The following ECHDC1 variants were observed in gnomAD, a reference collection of about 807,000 sequenced individuals.
ECHDC1 encodes ethylmalonyl-CoA decarboxylase.
Under a neutral mutation model 29.7 loss-of-function variants are expected in ECHDC1, and 29 were observed. That is an observed-to-expected ratio of 0.98 (90% CI 0.73 to 1.33). The LOEUF is 1.33. Among genes scored for constraint, ECHDC1 ranks in the 40% most tolerant of loss-of-function variants. ECHDC1 has a pLI of 0.00. For missense variants in ECHDC1, 328 were observed against 350.0 expected (o/e 0.94, Z 0.50); for synonymous variants, 126 against 123.1 (o/e 1.02, Z -0.15).
chr6:127,308,808 T>C (rs36000432), intron 5 of ECHDC1, among the ~76,000 whole-genome samples: 45,520 of 152,130 alleles, frequency 0.3, 8,587 homozygotes, highest in Non-Finnish European at 0.44. Flanking sequence ...CTTTTCTATA[T>C]GTAAACAGTG....
At chr6:127,304,106 A>T (rs1781265320) in intron 5 of ECHDC1, among the ~76,000 whole-genome samples, 1 of 152,214 alleles carries the variant, frequency 6.6e-6, no homozygotes. Context: ...GTGCTGTGTT[A>T]GCTTCAGATG....
intron 5 of ECHDC1, chr6:127,313,701 G>C: frequency 2.6e-6 from 1 of 381,492 alleles, no homozygotes; most frequent in Non-Finnish European, 5.3e-6. Context: ...GCCAGGGTTA[G>C]CCCAGAGACT....
At chr6:127,334,606 T>C (rs1443005597) in intron 1 of ECHDC1, among the ~76,000 whole-genome samples, 1 of 152,156 alleles carries the variant, frequency 6.6e-6, no homozygotes, top group African/African-American at 2.4e-5. Context: ...ACCTAAATCC[T>C]GAATCTCTTC....
intron 5 of ECHDC1, among the ~76,000 whole-genome samples, chr6:127,310,258 C>T (rs1044213639): frequency 2.0e-5 from 3 of 151,898 alleles, no homozygotes; most frequent in Non-Finnish European, 2.9e-5. Flanking sequence ...TTTTTTGTAA[C>T]ACAAAGGGTA....
At chr6:127,295,678 T>C (rs1263069379) in intron 5 of ECHDC1, among the ~76,000 whole-genome samples, 3 of 152,236 alleles carry the variant, frequency 2.0e-5, no homozygotes, top group Non-Finnish European at 4.4e-5. Context: ...TATAAATTAG[T>C]AGAATCTTTC....
At chr6:127,298,879 ATT>A (rs758683225) in intron 5 of ECHDC1, among the ~76,000 whole-genome samples, 7 of 144,660 alleles carry the variant, frequency 4.8e-5, no homozygotes, top group Non-Finnish European at 3.1e-5. Flanking sequence ...ACTGTACTAT[ATT>A]TTTTTTTTTT....
intron 5 of ECHDC1, among the ~76,000 whole-genome samples, chr6:127,299,530 T>TA (rs1780892514): frequency 6.8e-6 from 1 of 146,372 alleles, no homozygotes; most frequent in South Asian, 2.2e-4. Context: ...AAAAAGAAAA[T>TA]ACTTTCGTTC....
chr6:127,290,034 G>A lies in ECHDC1; in HGVS notation c.741C>T (p.Ile247=). Reference sequence around the variant, plus strand: ...CTCTAATTACTTCCGGTGGCCCTTGGATGAATTGCTTTAGCCATTCTTGTG... The same window carrying A: ...CTCTAATTACTTCCGGTGGCCCTTGAATGAATTGCTTTAGCCATTCTTGTG... ...EEAQEWLKQF[I]QGPPEVIRAL... The change falls in exon 6 of 6, where the codon ATC becomes ATT. Residue 247 remains isoleucine, a synonymous_variant. Transcript: ENST00000454859. 1 of 1,613,658 alleles carries A rather than the reference G, an allele frequency of 6.2e-7. No individual in the cohort carries two copies. The highest frequency in any genetic ancestry group is 8.5e-7 in the Non-Finnish European group (1 of 1,179,736).
intron 5 of ECHDC1, among the ~76,000 whole-genome samples, chr6:127,302,223 T>TA (rs1781105785): frequency 6.6e-6 from 1 of 152,150 alleles, no homozygotes; most frequent in Non-Finnish European, 1.5e-5. Context: ...CACTTAAACA[T>TA]AGATGAGAAA....
chr6:127,295,921 C>T (rs1178143585), intron 5 of ECHDC1, among the ~76,000 whole-genome samples: 1 of 152,094 alleles, frequency 6.6e-6, no homozygotes, highest in African/African-American at 2.4e-5. Flanking sequence ...CACTGGAACA[C>T]AGAAGGCAGA....
chr6:127,328,339 CA>C (rs1430133462), intron 2 of ECHDC1, among the ~76,000 whole-genome samples: 4 of 152,266 alleles, frequency 2.6e-5, no homozygotes, highest in African/African-American at 9.6e-5. Context: ...TAATGTAGTA[CA>C]ATGAATTATT....
At chr6:127,331,332 G>C (rs1783925398) in intron 1 of ECHDC1, among the ~76,000 whole-genome samples, 1 of 151,920 alleles carries the variant, frequency 6.6e-6, no homozygotes, top group South Asian at 2.1e-4. Context: ...TTTTAGTAGA[G>C]GCAGGGTTTC....
intron 5 of ECHDC1, among the ~76,000 whole-genome samples, chr6:127,304,999 A>G (rs986046571): frequency 1.3e-5 from 2 of 152,238 alleles, no homozygotes; most frequent in Admixed American, 1.3e-4. Flanking sequence ...GTTTATTCAA[A>G]GGAATAATAA....
At chr6:127,317,698 T>C (rs773793372) in intron 3 of ECHDC1, among the ~76,000 whole-genome samples, 2 of 152,238 alleles carry the variant, frequency 1.3e-5, no homozygotes, top group South Asian at 4.1e-4. Flanking sequence ...CTCAGATTTT[T>C]GGTACTATGT....
At chr6:127,324,107 G>A (rs1783086276) in intron 3 of ECHDC1, among the ~76,000 whole-genome samples, 1 of 151,974 alleles carries the variant, frequency 6.6e-6, no homozygotes, top group Non-Finnish European at 1.5e-5. Context: ...TAATCTTCCT[G>A]TCCTTCATTT....
intron 5 of ECHDC1, among the ~76,000 whole-genome samples, chr6:127,312,138 A>C (rs1331334818): frequency 6.6e-6 from 1 of 152,178 alleles, no homozygotes; most frequent in East Asian, 1.9e-4. Flanking sequence ...TAAAGTAGAG[A>C]TAGACATAGA....
At chr6:127,313,671 ATTTTT>A in intron 5 of ECHDC1, 5 of 438,294 alleles carry the variant, frequency 1.1e-5, no homozygotes, top group Admixed American at 5.2e-5. Flanking sequence ...TGTATAATGA[ATTTTT>A]AAAAAAATGG....
At position 127,289,988 on chromosome 6, in the gene ECHDC1, A is replaced by C; in HGVS notation, c.787T>G (p.Ser263Ala). The change falls in exon 6 of 6, where the codon TCA becomes GCA. Residue 263 changes from serine to alanine, a missense_variant. By Grantham distance (99) the Ser-to-Ala change is moderately conservative. Coordinates refer to ENST00000454859, the MANE Select transcript of ECHDC1 (RefSeq NM_001002030.2). ...TCCTCCAAATATAGCTCTCTGCCTG[A>C]ACAAACAGATTTTTTCAAAGCTCTA... ...VIRALKKSVC[S>A]GRELYLEEAL... 1.2e-6 allele frequency: 2 copies of C among 1,613,564 alleles called. No homozygotes were observed. Among genetic ancestry groups the C allele is most frequent in the Non-Finnish European group, 1.7e-6 (2 of 1,179,642 alleles).
At chr6:127,322,667 T>G (rs910070271) in intron 3 of ECHDC1, among the ~76,000 whole-genome samples, 1 of 149,652 alleles carries the variant, frequency 6.7e-6, no homozygotes, top group African/African-American at 2.4e-5. Context: ...TATACAATGA[T>G]GTATATATAA....
Sources: gnomAD v4.1 joint callset for allele counts (sites outside exome capture counted in the v4.1 genomes callset) on GRCh38, gnomAD v4.1.1 for gene constraint, MANE v1.5 for transcripts, NCBI Gene and HGNC (gene_info 2026-07-23, HGNC 2026-07-21) for gene names.